Variants in MECOM observed in about 807,000 individuals in gnomAD.
The protein encoded by MECOM is MDS1 and EVI1 complex locus.
Under a neutral mutation model 116.3 loss-of-function variants are expected in MECOM, and 13 were observed. The ratio of observed to expected loss-of-function variants is 0.11; its 90% CI spans 0.07 to 0.18. The LOEUF (loss-of-function observed/expected upper bound fraction) is 0.18. MECOM is among the 10% of genes least tolerant of loss of function. The pLI, the probability that MECOM is intolerant of heterozygous loss-of-function variation, is 1.00. For synonymous variants in MECOM, 528 were observed against 535.2 expected (o/e 0.99, Z 0.19); for missense variants, 1,299 against 1,509.0 (o/e 0.86, Z 2.31).
rs1559973694 is a variant in MECOM, at chr3:169,191,743, AAAGAAAGAAAGAAAG to A, written c.376-47926_376-47912del. 1.4e-3 allele frequency among the ~76,000 whole-genome samples: 160 copies of A among 117,294 alleles called. 2 individuals carry two copies. Among genetic ancestry groups the A allele is most frequent in the African/African-American group, 4.8e-3 (149 of 30,938 alleles). 76.9% of individuals were successfully genotyped at this position (117,294 alleles called of 152,430 possible). Reference sequence around the variant, plus strand: ...AAAAAAGAAAGAAAGAAAGAAAGAGAAAGAAAGAAAGAAAGAAAGAAAGAAAGAAAGAAAGAAAGA... The same window carrying A: ...AAAAAAGAAAGAAAGAAAGAAAGAGAAAAGAAAGAAAGAAAGAAAGAAAGA... On this transcript the variant is annotated intron_variant, in intron 2 of 16. Coordinates refer to ENST00000651503, the MANE Select transcript of MECOM (RefSeq NM_004991.4).
At chr3:169,507,801 A>G (rs895558625) in intron 1 of MECOM, among the ~76,000 whole-genome samples, 2 of 136,462 alleles carry the variant, frequency 1.5e-5, no homozygotes, top group African/African-American at 5.7e-5. Context: ...AGCTGGGACC[A>G]CAGGCACCGC....
At chr3:169,236,236 G>T (rs575388133) in intron 2 of MECOM, among the ~76,000 whole-genome samples, 6 of 152,044 alleles carry the variant, frequency 3.9e-5, no homozygotes, top group Non-Finnish European at 8.8e-5. Context: ...ACTTATAAAG[G>T]GCTTATTGGA....
intron 3 of MECOM, among the ~76,000 whole-genome samples, chr3:169,134,401 T>C (rs1451625443): frequency 6.6e-6 from 1 of 152,110 alleles, no homozygotes; most frequent in Non-Finnish European, 1.5e-5. Context: ...AGGTAAAAGG[T>C]GACATTCCAA....
At chr3:169,314,888 T>TAGGGA (rs1719467075) in intron 2 of MECOM, among the ~76,000 whole-genome samples, 11 of 152,226 alleles carry the variant, frequency 7.2e-5, no homozygotes, top group African/African-American at 2.2e-4. Context: ...TAGTTATCCC[T>TAGGGA]TATTCTCCTG....
In MECOM at chr3:169,203,016, C is replaced by T. The variant is rs537557710; in HGVS notation, c.376-59184G>A. Among the ~76,000 whole-genome samples, 3 of 152,172 alleles carry T rather than the reference C, an allele frequency of 2.0e-5. No individual in the cohort carries two copies. In the East Asian group the frequency reaches 5.8e-4, roughly 29 times the overall value. On this transcript the variant is annotated intron_variant, in intron 2 of 16. Coordinates refer to ENST00000651503, the MANE Select transcript of MECOM (RefSeq NM_004991.4). Reference sequence around the variant, plus strand: ...GCCCTGGAATCAACATAGCCATCATCCTGCCATTTCTCACCAACTTCCTCT... The same window carrying T: ...GCCCTGGAATCAACATAGCCATCATTCTGCCATTTCTCACCAACTTCCTCT...
chr3:169,350,819 G>A (rs1299038059), intron 2 of MECOM, among the ~76,000 whole-genome samples: 2 of 151,436 alleles, frequency 1.3e-5, no homozygotes, highest in Admixed American at 6.6e-5. Flanking sequence ...GAATTAAAGT[G>A]GAAAGACTCT....
rs1420062727 is a variant in MECOM at position 169,115,816 on chromosome 3, C to T, written c.2056G>A (p.Val686Ile). The change falls in exon 8 of 17, where the codon GTT becomes ATT. Residue 686 changes from valine (V) to isoleucine (I), a missense_variant. Around this residue, in one of 6 missense-constraint regions of MECOM, gnomAD observed 340 missense variants for 312.6 expected, o/e 1.09. Coordinates refer to ENST00000651503, the MANE Select transcript of MECOM (RefSeq NM_004991.4). Reference protein sequence around the residue: ...TGLVGLQDKKVGALPYPSMFP... With the variant: ...TGLVGLQDKKIGALPYPSMFP... ...ATGGAAGGGTAAGGTAAAGCTCCAA[C>T]TTTTTTGTCTTGCAGCCCCACCAGT... is the stretch of plus-strand genomic sequence containing the variant. 3 of 1,613,926 alleles carry T rather than the reference C, an allele frequency of 1.9e-6. No individual in the cohort carries two copies. The highest frequency in any genetic ancestry group is 2.7e-5 in the African/African-American group (2 of 74,900).
At chr3:169,516,342 G>A (rs1756622304) in intron 1 of MECOM, among the ~76,000 whole-genome samples, 1 of 152,118 alleles carries the variant, frequency 6.6e-6, no homozygotes, top group Non-Finnish European at 1.5e-5. Flanking sequence ...AAAATTAAGA[G>A]TATCTTTAAA....
intron 1 of MECOM, among the ~76,000 whole-genome samples, chr3:169,602,797 T>C (rs1345180684): frequency 2.0e-5 from 3 of 152,188 alleles, no homozygotes; most frequent in African/African-American, 7.2e-5. Flanking sequence ...CAATCACTCA[T>C]GAGCTGCAGA....
intron 1 of MECOM, among the ~76,000 whole-genome samples, chr3:169,622,145 A>G (rs1353412450): frequency 6.6e-6 from 1 of 152,166 alleles, no homozygotes; most frequent in Non-Finnish European, 1.5e-5. Context: ...GCTGGAGTGC[A>G]GTGGTGCGAT....
intron 1 of MECOM, among the ~76,000 whole-genome samples, chr3:169,426,896 A>G (rs1740801205): frequency 6.6e-6 from 1 of 152,222 alleles, no homozygotes; most frequent in African/African-American, 2.4e-5. Flanking sequence ...TATGTGCCAG[A>G]TATTGTATGT....
chr3:169,489,256 A>AT (rs1252628971), intron 1 of MECOM, among the ~76,000 whole-genome samples: 1 of 152,224 alleles, frequency 6.6e-6, no homozygotes, highest in Non-Finnish European at 1.5e-5. Context: ...TTAACCTAGT[A>AT]TTAAAGAAGG....
At chr3:169,608,776 C>A (rs1768894829) in intron 1 of MECOM, among the ~76,000 whole-genome samples, 1 of 152,116 alleles carries the variant, frequency 6.6e-6, no homozygotes, top group East Asian at 1.9e-4. Context: ...AATTGAATAA[C>A]CTGCACAAAG....
chr3:169,601,153 G>A (rs1284893558), intron 1 of MECOM, among the ~76,000 whole-genome samples: 2 of 152,152 alleles, frequency 1.3e-5, no homozygotes, highest in African/African-American at 4.8e-5. Flanking sequence ...CCTACACTTA[G>A]GTGTCGCCAC....
intron 2 of MECOM, among the ~76,000 whole-genome samples, chr3:169,296,833 C>A (rs1375731475): frequency 1.3e-5 from 2 of 152,130 alleles, no homozygotes; most frequent in African/African-American, 2.4e-5. Flanking sequence ...CAGAATATGT[C>A]ACCATTAATT....
At chr3:169,235,093 C>G (rs1436863133) in intron 2 of MECOM, among the ~76,000 whole-genome samples, 1 of 152,122 alleles carries the variant, frequency 6.6e-6, no homozygotes, top group Admixed American at 6.6e-5. Context: ...ACAGTGCTTA[C>G]GCTATGATTT....
intron 1 of MECOM, among the ~76,000 whole-genome samples, chr3:169,630,315 G>T (rs1053787014): frequency 1.1e-4 from 16 of 152,194 alleles, no homozygotes; most frequent in South Asian, 8.3e-4. Flanking sequence ...CCCAGTGAGT[G>T]GCTACCTCAG....
chr3:169,475,983 A>G (rs903476705), intron 1 of MECOM, among the ~76,000 whole-genome samples: 1 of 152,244 alleles, frequency 6.6e-6, no homozygotes, highest in Non-Finnish European at 1.5e-5. Context: ...GCTAAAGTGA[A>G]TTTGTGGCTT....
intron 2 of MECOM, among the ~76,000 whole-genome samples, chr3:169,289,357 C>T (rs904516955): frequency 6.6e-6 from 1 of 152,076 alleles, no homozygotes; most frequent in African/African-American, 2.4e-5. Flanking sequence ...ACTTCATTGC[C>T]CACTAATAGA....
Sources: gnomAD v4.1 joint callset for allele counts (sites outside exome capture counted in the v4.1 genomes callset) on GRCh38, gnomAD v4.1.1 for gene constraint, gnomAD v4.1.1 regional missense constraint, MANE v1.5 for transcripts, NCBI Gene and HGNC (gene_info 2026-07-23, HGNC 2026-07-21) for gene names.